PRKX: variants seen among roughly 807,000 people sequenced by gnomAD.
PRKX encodes cAMP-dependent protein kinase catalytic subunit PRKX.
Under a neutral mutation model 22.0 loss-of-function variants are expected in PRKX, and 12 were observed. The observed-to-expected ratio is 0.54, with a 90% CI of 0.35 to 0.88. The LOEUF is 0.88. Ranked by LOEUF, PRKX falls within the 40% of genes least tolerant of loss-of-function variation. The pLI is 0.01. For synonymous variants in PRKX, 134 were observed against 137.7 expected (o/e 0.97, Z 0.19); for missense variants, 217 against 308.0 (o/e 0.70, Z 2.21).
chrX:3,657,046 T>C (rs1927495890), intron 2 of PRKX, among the ~76,000 whole-genome samples: 1 of 111,793 alleles, frequency 8.9e-6, no homozygotes, highest in African/African-American at 3.3e-5. Context: ...CCCCCAAAGC[T>C]CCACCTTTTA....
At chrX:3,613,150 CAAAAAAAAAAAAAAAAAAAA>C (rs528688936) in intron 7 of PRKX, among the ~76,000 whole-genome samples, 8 of 54,324 alleles carry the variant, frequency 1.5e-4, no homozygotes, top group East Asian at 8.0e-4. Context: ...GACTTCGTCT[CAAAAAAAAAAAAAAAAAAAA>C]AAAAAAAAAA....
intron 1 of PRKX, among the ~76,000 whole-genome samples, chrX:3,697,511 G>C (rs763233812): frequency 9.1e-6 from 1 of 110,377 alleles, no homozygotes; most frequent in Non-Finnish European, 1.9e-5. Flanking sequence ...CTTATCACCA[G>C]GCAATGTTTG....
At chrX:3,643,739 A>G (rs967637861) in intron 3 of PRKX, among the ~76,000 whole-genome samples, 10 of 111,707 alleles carry the variant, frequency 9.0e-5, no homozygotes, top group African/African-American at 3.3e-4. Flanking sequence ...TTGTAAGTTG[A>G]ATGTAAAGAG....
chrX:3,639,879 C>A (rs952964911), intron 4 of PRKX, among the ~76,000 whole-genome samples: 14 of 110,904 alleles, frequency 1.3e-4, no homozygotes, highest in Non-Finnish European at 2.3e-4. Flanking sequence ...ACAAAGTCAG[C>A]GACTGCCTGG....
intron 1 of PRKX, among the ~76,000 whole-genome samples, chrX:3,710,228 T>C (rs922721082): frequency 3.3e-4 from 37 of 111,593 alleles, no homozygotes; most frequent in African/African-American, 1.1e-3. Flanking sequence ...GATCCAAAGT[T>C]CCTAAAACGA....
intron 1 of PRKX, among the ~76,000 whole-genome samples, chrX:3,688,759 C>G (rs1013295095): frequency 9.2e-5 from 10 of 108,835 alleles, no homozygotes; most frequent in Non-Finnish European, 1.5e-4. Flanking sequence ...GTCCCAGCTA[C>G]TCATGAGGCA....
chrX:3,667,514 T>C (rs1255341328), intron 2 of PRKX: 1 of 109,499 alleles, frequency 9.1e-6, no homozygotes, highest in African/African-American at 3.3e-5. Context: ...GGTGGCTCCA[T>C]CCACCTGTGG....
chrX:3,689,215 T>TA (rs1928246406), intron 1 of PRKX, among the ~76,000 whole-genome samples: 1 of 112,397 alleles, frequency 8.9e-6, no homozygotes, highest in Non-Finnish European at 1.9e-5. Context: ...CTTGACATTT[T>TA]CCCCCCTGGG....
At chrX:3,711,066 C>T (rs1341243747) in intron 1 of PRKX, among the ~76,000 whole-genome samples, 2 of 111,531 alleles carry the variant, frequency 1.8e-5, no homozygotes, top group African/African-American at 6.5e-5. Context: ...TGCTCTTTAA[C>T]CAACAATAAA....
intron 7 of PRKX, among the ~76,000 whole-genome samples, chrX:3,614,693 T>TAA (rs1926380654): frequency 1.8e-5 from 2 of 111,140 alleles, no homozygotes; most frequent in Non-Finnish European, 3.8e-5. Context: ...ATAAAAGGAA[T>TAA]AAGTTCCAGT....
chrX:3,646,582 T>C (rs934313318), intron 3 of PRKX, among the ~76,000 whole-genome samples: 4 of 111,623 alleles, frequency 3.6e-5, no homozygotes, highest in Admixed American at 2.9e-4. Context: ...ATGCAGGAAA[T>C]AGATGTTCGC....
At chrX:3,685,864 G>GTTTTT (rs1846998899) in intron 1 of PRKX, among the ~76,000 whole-genome samples, 3 of 112,083 alleles carry the variant, frequency 2.7e-5, no homozygotes, top group Middle Eastern at 4.6e-3. Flanking sequence ...CAGGCAACAT[G>GTTTTT]GTGAAACCCT....
chrX:3,637,116 G>A (rs1452381732), intron 4 of PRKX, among the ~76,000 whole-genome samples: 4 of 103,344 alleles, frequency 3.9e-5, no homozygotes, highest in Non-Finnish European at 4.0e-5. Context: ...GAGGGAGGGA[G>A]GGAGGAAAGG....
rs184033445 is a variant in PRKX at position 3,615,113 on chromosome X, G to C, written c.951+702C>G. Among the ~76,000 whole-genome samples, 179 of 98,537 alleles carry C rather than the reference G, an allele frequency of 1.8e-3. 1 individual carries two copies. The highest frequency in any genetic ancestry group is 6.6e-3 in the African/African-American group (167 of 25,316). The allele number at this position is 98,537 out of a possible 115,157, so 85.6% of individuals were successfully genotyped here. On this transcript the variant is annotated intron_variant, in intron 7 of 8. Transcript: ENST00000262848. The stretch of plus-strand genomic sequence containing the variant: ...GGCTCACTGCAACCTCCGCCTCCTG[G>C]TATCAAGCAATTCTTGTGCCTCAGC...
intron 1 of PRKX, among the ~76,000 whole-genome samples, chrX:3,712,503 G>A (rs1443553012): frequency 8.9e-6 from 1 of 112,327 alleles, no homozygotes; most frequent in East Asian, 2.8e-4. Flanking sequence ...AGAGGCACAA[G>A]ACGAAGAGCA....
intron 4 of PRKX, among the ~76,000 whole-genome samples, chrX:3,632,895 G>T (rs942078400): frequency 2.7e-5 from 3 of 112,559 alleles, no homozygotes; most frequent in Non-Finnish European, 5.6e-5. Context: ...TAATCAGCAT[G>T]AATGCAAGCT....
chrX:3,712,805 C>CTG (rs1928819124), intron 1 of PRKX, among the ~76,000 whole-genome samples: 1 of 112,594 alleles, frequency 8.9e-6, no homozygotes, highest in East Asian at 2.8e-4. Flanking sequence ...CCCCAGAGTG[C>CTG]TGTGTGTGCT....
chrX:3,658,049 G>A (rs1194827496), intron 2 of PRKX, among the ~76,000 whole-genome samples: 1 of 110,437 alleles, frequency 9.1e-6, no homozygotes, highest in Non-Finnish European at 1.9e-5. Flanking sequence ...GGAGTGCAAC[G>A]GTGCAATCTC....
At chrX:3,699,717 A>T in intron 1 of PRKX, among the ~76,000 whole-genome samples, 1 of 112,437 alleles carries the variant, frequency 8.9e-6, no homozygotes, top group Non-Finnish European at 1.9e-5. Context: ...CCACCATCCC[A>T]CAACTTCCAA....
Sources: gnomAD v4.1 joint callset for allele counts (sites outside exome capture counted in the v4.1 genomes callset) on GRCh38, gnomAD v4.1.1 for gene constraint, MANE v1.5 for transcripts, NCBI Gene and HGNC (gene_info 2026-07-23, HGNC 2026-07-21) for gene names.